CDC73: variants seen among roughly 807,000 people sequenced by gnomAD.
CDC73 encodes the protein cell division cycle 73.
In CDC73, 21 loss-of-function variants were observed where a neutral mutation model predicts 83.7. The ratio of observed to expected loss-of-function variants is 0.25; its 90% CI spans 0.18 to 0.36. CDC73 has a LOEUF of 0.36. Ranked by LOEUF, CDC73 falls within the 10% of genes least tolerant of loss-of-function variation. The pLI is 1.00. For synonymous variants in CDC73, 224 were observed against 212.9 expected (o/e 1.05, Z -0.45); for missense variants, 342 against 653.3 (o/e 0.52, Z 5.19).
At chr1:193,222,532 CCTTT>C (rs1463076176) in intron 13 of CDC73, among the ~76,000 whole-genome samples, 1 of 152,118 alleles carries the variant, frequency 6.6e-6, no homozygotes, top group East Asian at 1.9e-4. Context: ...CTTCTAGCTT[CCTTT>C]GTTTTGATGA....
chr1:193,212,495 C>G lies in CDC73; in HGVS notation c.1154+18C>G, dbSNP rs145348897. The G allele has an allele frequency of 2.2e-4, 299 of 1,346,838 alleles. 2 individuals are homozygous for G. In the East Asian group the frequency reaches 6.4e-3, roughly 29 times the overall value. 83.4% of individuals were successfully genotyped at this position (1,346,838 alleles called of 1,614,324 possible). ...GACCTGAAGTAAGTAATTTATTAAA[C>G]TATCCTGTACGTAGGATATTGAGAT... On this transcript the variant is annotated intron_variant, in intron 13 of 16. Coordinates refer to ENST00000367435, the MANE Select transcript of CDC73 (RefSeq NM_024529.5).
At chr1:193,187,005 G>T (rs868269765) in intron 10 of CDC73, among the ~76,000 whole-genome samples, 3 of 138,644 alleles carry the variant, frequency 2.2e-5, no homozygotes, top group African/African-American at 7.9e-5. Flanking sequence ...TCTTCTTGAA[G>T]TTTTTTTTCT....
chr1:193,215,809 C>T (rs1477431027), intron 13 of CDC73, among the ~76,000 whole-genome samples: 1 of 151,988 alleles, frequency 6.6e-6, no homozygotes, highest in African/African-American at 2.4e-5. Flanking sequence ...AGGCTGGTCT[C>T]GAACTCCTGG....
chr1:193,143,721 T>G (rs1180314689), intron 7 of CDC73, among the ~76,000 whole-genome samples: 2 of 152,146 alleles, frequency 1.3e-5, no homozygotes, highest in Admixed American at 1.3e-4. Flanking sequence ...TACCCTTAGG[T>G]ACTTAAAGCC....
chr1:193,212,216 A>C, intron 12 of CDC73, 116 bp downstream of exon 12: 1 of 926,078 alleles, frequency 1.1e-6, no homozygotes, highest in Non-Finnish European at 1.7e-6. Context: ...ATCCATTCTG[A>C]TTTATTAGTG....
chr1:193,238,800 G>A (rs905112002), intron 15 of CDC73, among the ~76,000 whole-genome samples: 12 of 152,276 alleles, frequency 7.9e-5, no homozygotes, highest in African/African-American at 2.6e-4. Context: ...TACATTTACT[G>A]TTCATTAAGT....
At chr1:193,212,126 C>G in intron 12 of CDC73, 26 bp downstream of exon 12, 1 of 1,546,106 alleles carries the variant, frequency 6.5e-7, no homozygotes, top group Non-Finnish European at 8.8e-7. Context: ...TGATTTTAAA[C>G]TTAACTTTAA....
chr1:193,211,340 TTTC>T (rs1198924759), intron 11 of CDC73, among the ~76,000 whole-genome samples: 3 of 152,230 alleles, frequency 2.0e-5, no homozygotes, highest in Non-Finnish European at 4.4e-5. Flanking sequence ...CGAATTTCTT[TTTC>T]TTCTTCGCAG....
intron 7 of CDC73, among the ~76,000 whole-genome samples, chr1:193,147,373 C>CT (rs945525186): frequency 0.014 from 1,940 of 137,358 alleles, 41 homozygotes; most frequent in African/African-American, 0.044. Context: ...TTTTTTTTTT[C>CT]TTTTTTTTTT....
At chr1:193,190,894 G>A (rs1676907194) in intron 10 of CDC73, among the ~76,000 whole-genome samples, 2 of 152,254 alleles carry the variant, frequency 1.3e-5, no homozygotes, top group South Asian at 4.1e-4. Flanking sequence ...AAGTTTGTGA[G>A]GATGTTTCTA....
chr1:193,185,503 T>TG (rs1676791058), intron 10 of CDC73, among the ~76,000 whole-genome samples: 1 of 152,098 alleles, frequency 6.6e-6, no homozygotes, highest in Non-Finnish European at 1.5e-5. Context: ...AGGGAGATGT[T>TG]GGGGAAGATT....
At chr1:193,142,179 T>C in intron 7 of CDC73, 113 bp downstream of exon 7, 3 of 853,392 alleles carry the variant, frequency 3.5e-6, no homozygotes, top group Non-Finnish European at 5.9e-6. Flanking sequence ...GTTTCAAGTT[T>C]TATCTCTTTG....
chr1:193,187,853 T>C (rs1197783719), intron 10 of CDC73, among the ~76,000 whole-genome samples: 1 of 152,096 alleles, frequency 6.6e-6, no homozygotes, highest in African/African-American at 2.4e-5. Context: ...ATTTTATAAA[T>C]AGGAAACCTA....
At chr1:193,131,682 A>C (rs1675696547) in intron 3 of CDC73, among the ~76,000 whole-genome samples, 1 of 152,160 alleles carries the variant, frequency 6.6e-6, no homozygotes, top group Non-Finnish European at 1.5e-5. Flanking sequence ...TAGCTATGCT[A>C]ATCTTAGCAC....
At chr1:193,239,918 T>G (rs1360193964) in intron 15 of CDC73, among the ~76,000 whole-genome samples, 1 of 152,146 alleles carries the variant, frequency 6.6e-6, no homozygotes, top group Non-Finnish European at 1.5e-5. Context: ...ACTTAAAAGT[T>G]AGAAATTAAA....
Position 193,126,712 on chromosome 1 carries a change from AT to A in CDC73, c.237+1498del. On this transcript the variant is annotated intron_variant, in intron 2 of 16. Coordinates refer to ENST00000367435, the MANE Select transcript of CDC73 (RefSeq NM_024529.5). ...ACACTTAAAATTAAGTATGAAATGT[AT>A]TTATAAATAACTACTTTTTCCCATT... is the stretch of plus-strand genomic sequence containing the variant. Among the ~76,000 whole-genome samples, 2 of 152,324 alleles carry A rather than the reference AT, an allele frequency of 1.3e-5. 1 individual carries two copies. Among genetic ancestry groups the A allele is most frequent in the South Asian group, 4.1e-4 (2 of 4,832 alleles).
At chr1:193,183,999 C>G (rs536647758) in intron 10 of CDC73, among the ~76,000 whole-genome samples, 1 of 151,572 alleles carries the variant, frequency 6.6e-6, no homozygotes, top group South Asian at 2.1e-4. Context: ...AACAATATAC[C>G]TGAAGATGTC....
At chr1:193,180,766 A>G in intron 10 of CDC73, 2 of 1,614,084 alleles carry the variant, frequency 1.2e-6, no homozygotes, top group Non-Finnish European at 1.7e-6. Context: ...TGGCTTCAGT[A>G]ACTTATTGAT....
intron 14 of CDC73, among the ~76,000 whole-genome samples, chr1:193,233,446 G>T (rs1677696880): frequency 6.6e-6 from 1 of 152,268 alleles, no homozygotes; most frequent in Non-Finnish European, 1.5e-5. Flanking sequence ...TTTATCATGG[G>T]TTCTAAATAG....
Sources: allele counts gnomAD v4.1 joint callset (sites outside exome capture counted in the v4.1 genomes callset), GRCh38; gene constraint gnomAD v4.1.1; transcripts MANE v1.5; gene names NCBI Gene and HGNC (gene_info 2026-07-23, HGNC 2026-07-21).